Variants in TMEM192 observed in about 807,000 individuals in gnomAD.
TMEM192 encodes the protein transmembrane protein 192.
A neutral mutation model predicts 26.7 loss-of-function variants in TMEM192; 20 were observed. The ratio of observed to expected loss-of-function variants is 0.75; its 90% CI spans 0.53 to 1.09. TMEM192 has a LOEUF of 1.09. Ranked by LOEUF, TMEM192 falls within the 50% of genes least tolerant of loss-of-function variation. The pLI, the probability that TMEM192 is intolerant of heterozygous loss-of-function variation, is 0.00. For synonymous variants in TMEM192, 124 were observed against 121.0 expected, an observed-to-expected ratio of 1.02 and a Z score of -0.16; for missense variants, 304 against 322.6, an observed-to-expected ratio of 0.94 and a Z score of 0.44.
intron 3 of TMEM192, among the ~76,000 whole-genome samples, chr4:165,098,981 C>T (rs956624014): frequency 6.6e-6 from 1 of 151,868 alleles, no homozygotes; most frequent in Admixed American, 6.6e-5. Context: ...GGATTACAGG[C>T]ATGAGCCACC....
At chr4:165,081,345 C>A (rs1052895639) in intron 5 of TMEM192, among the ~76,000 whole-genome samples, 3 of 150,500 alleles carry the variant, frequency 2.0e-5, no homozygotes, top group South Asian at 2.1e-4. Context: ...GTAGAGTCAA[C>A]TCTTGTATAT....
At chr4:165,081,482 C>CA (rs1157101808) in intron 5 of TMEM192, among the ~76,000 whole-genome samples, 13 of 120,538 alleles carry the variant, frequency 1.1e-4, no homozygotes, top group Non-Finnish European at 1.8e-5. Context: ...CTCATGGGTT[C>CA]ATGCCATTCT....
At chr4:165,097,569 C>A (rs1200876040) in intron 3 of TMEM192, among the ~76,000 whole-genome samples, 3 of 107,994 alleles carry the variant, frequency 2.8e-5, no homozygotes, top group African/African-American at 3.9e-5. Flanking sequence ...TCTGTGGAGC[C>A]TTTTTTTTTT....
At chr4:165,081,036 C>T (rs2111260205) in intron 5 of TMEM192, among the ~76,000 whole-genome samples, 1 of 151,810 alleles carries the variant, frequency 6.6e-6, no homozygotes, top group East Asian at 1.9e-4. Flanking sequence ...TATTTATAAG[C>T]ATAACATGAA....
In TMEM192 at chr4:165,079,593, C is replaced by T. The variant is rs1449933102; in HGVS notation, c.*65G>A. The T allele has an allele frequency of 9.2e-6, 14 of 1,514,828 alleles. No homozygotes were observed. The highest frequency in any genetic ancestry group is 1.2e-5 in the Non-Finnish European group (13 of 1,126,280). The allele number at this position is 1,514,828 out of a possible 1,614,324, so 93.8% of individuals were successfully genotyped here. A position where few individuals can be genotyped will look rare whatever the true frequency, so the allele number is the denominator to read the frequency against. ...GCTGCAGTTCCCCGTGGCAGCTTGT[C>T]AGGTGGTCAGTCAGTCTCAATTACT... On this transcript the variant is annotated 3_prime_UTR_variant, in exon 6 of 6. Coordinates refer to ENST00000306480, the MANE Select transcript of TMEM192 (RefSeq NM_001100389.2).
rs1268530412 is a variant in TMEM192, at chr4:165,078,252, T to C, written c.*1406A>G. The C allele has an allele frequency of 1.3e-5, 2 of 152,156 alleles. No individual in the cohort carries two copies. The highest frequency in any genetic ancestry group is 4.8e-5 in the African/African-American group (2 of 41,440). 9.4% of individuals were successfully genotyped at this position (152,156 alleles called of 1,614,324 possible). A position where few individuals can be genotyped will look rare whatever the true frequency, so the allele number is the denominator to read the frequency against. The stretch of plus-strand genomic sequence containing the variant: ...TATCAAATATTGAATATTCAGCTAA[T>C]GATCAAAAAAGATTAACACAGTCAT... On this transcript the variant is annotated 3_prime_UTR_variant, in exon 6 of 6. Coordinates refer to ENST00000306480, the MANE Select transcript of TMEM192 (RefSeq NM_001100389.2).
At position 165,083,049 on chromosome 4, in the gene TMEM192, T is replaced by C. The variant is rs1734540981; in HGVS notation, c.677+2537A>G. Reference sequence around the variant, plus strand: ...CACGTCCGGCATAAACTGAATTTCATTGCCCCAAAGTTAACCCCATGAGGT... The same window carrying C: ...CACGTCCGGCATAAACTGAATTTCACTGCCCCAAAGTTAACCCCATGAGGT... On this transcript the variant is annotated intron_variant, in intron 5 of 5. Transcript: ENST00000306480. Among the ~76,000 whole-genome samples, 2 of 39,884 alleles carry C rather than the reference T, an allele frequency of 5.0e-5. 1 individual carries two copies. Among genetic ancestry groups the C allele is most frequent in the Non-Finnish European group, 1.9e-4 (2 of 10,580 alleles). The allele number at this position is 39,884 out of a possible 152,430, so 26.2% of individuals were successfully genotyped here. A position where few individuals can be genotyped will look rare whatever the true frequency, so the allele number is the denominator to read the frequency against.
intron 4 of TMEM192, among the ~76,000 whole-genome samples, chr4:165,087,343 C>T (rs558427705): frequency 7.2e-5 from 11 of 152,116 alleles, no homozygotes; most frequent in Non-Finnish European, 1.0e-4. Context: ...CTAACCAAGG[C>T]AGTGGCAGGG....
At chr4:165,093,985 C>T (rs1371709864) in intron 3 of TMEM192, among the ~76,000 whole-genome samples, 10 of 152,122 alleles carry the variant, frequency 6.6e-5, no homozygotes, top group Non-Finnish European at 1.0e-4. Flanking sequence ...CTGTAACCTC[C>T]GCCTCCCAGG....
chr4:165,074,490 A>T lies in TMEM192; in HGVS notation c.*5168T>A, dbSNP rs1734331645. The T allele has an allele frequency of 6.6e-6, 1 of 152,108 alleles. No homozygotes were observed. Among genetic ancestry groups the T allele is most frequent in the Admixed American group, 6.6e-5 (1 of 15,250 alleles). 9.4% of individuals were successfully genotyped at this position (152,108 alleles called of 1,614,324 possible). A position where few individuals can be genotyped will look rare whatever the true frequency, so the allele number is the denominator to read the frequency against. ...GAGACAGAGTCTCGCTCTGTCACCC[A>T]GGCTGGAGTGCAGTGGTGCGATCTC... On this transcript the variant is annotated 3_prime_UTR_variant, in exon 6 of 6. Transcript: ENST00000306480.
At chr4:165,108,565 T>C (rs1398627231) in intron 1 of TMEM192, among the ~76,000 whole-genome samples, 1 of 152,214 alleles carries the variant, frequency 6.6e-6, no homozygotes, top group Non-Finnish European at 1.5e-5. Context: ...TTCTGAGTAC[T>C]CTACCTACAT....
chr4:165,098,469 A>G (rs1183449042), intron 3 of TMEM192, among the ~76,000 whole-genome samples: 3 of 150,404 alleles, frequency 2.0e-5, no homozygotes, highest in Non-Finnish European at 3.0e-5. Context: ...CATTTGTTAC[A>G]GCACTAAATT....
At chr4:165,104,167 G>A (rs568766113) in intron 1 of TMEM192, among the ~76,000 whole-genome samples, 33 of 152,296 alleles carry the variant, frequency 2.2e-4, no homozygotes, top group South Asian at 6.2e-4. Flanking sequence ...AATTTGCTAA[G>A]AGTGTAGATC....
chr4:165,109,944 T>C (rs1376401187), intron 1 of TMEM192, among the ~76,000 whole-genome samples: 1 of 152,240 alleles, frequency 6.6e-6, no homozygotes, highest in African/African-American at 2.4e-5. Flanking sequence ...ATTTGGAATA[T>C]TTCTTATGCT....
intron 3 of TMEM192, among the ~76,000 whole-genome samples, chr4:165,092,112 CTTTTTTTTT>C (rs35641833): frequency 3.2e-3 from 234 of 72,074 alleles, no homozygotes; most frequent in Admixed American, 4.3e-3. Context: ...TAATGCTGTT[CTTTTTTTTT>C]TTTTTTTTTT....
Position 165,089,941 on chromosome 4 carries a change from G to A in TMEM192, c.440-1339C>T, listed in dbSNP as rs190934256. ...AGAAGTGTCTTTTAGGCCAGGCGCG[G>A]TGGCTCACGCCTGTAATCCCAACAC... On this transcript the variant is annotated intron_variant, in intron 3 of 5. Transcript: ENST00000306480. Among the ~76,000 whole-genome samples the A allele has an allele frequency of 1.3e-4, 20 of 152,148 alleles. No individual in the cohort carries two copies. The East Asian group carries it at 3.7e-3, about 28-fold the overall frequency.
chr4:165,090,381 C>CA (rs1178088993), intron 3 of TMEM192, among the ~76,000 whole-genome samples: 443 of 137,184 alleles, frequency 3.2e-3, no homozygotes, highest in Non-Finnish European at 4.9e-3. Flanking sequence ...GACTCCATTT[C>CA]AAAAAAAAAA....
chr4:165,087,408 T>C (rs1734645040), intron 4 of TMEM192, among the ~76,000 whole-genome samples: 1 of 152,166 alleles, frequency 6.6e-6, no homozygotes, highest in Non-Finnish European at 1.5e-5. Context: ...GACTGATGAC[T>C]GACTGATCAC....
intron 3 of TMEM192, among the ~76,000 whole-genome samples, chr4:165,092,078 C>T (rs1734778071): frequency 6.8e-6 from 1 of 146,872 alleles, no homozygotes; most frequent in African/African-American, 2.5e-5. Flanking sequence ...ATAACAGTAC[C>T]TTTCTCACAA....
Sources: allele counts gnomAD v4.1 joint callset (sites outside exome capture counted in the v4.1 genomes callset), GRCh38; gene constraint gnomAD v4.1.1; transcripts MANE v1.5; gene names NCBI Gene and HGNC (gene_info 2026-07-23, HGNC 2026-07-21).